Variants in HIGD1C observed in about 807,000 individuals in gnomAD.
HIGD1C encodes the protein HIG1 hypoxia inducible domain family member 1C.
HIGD1C carries 11 observed loss-of-function variants against 13.1 expected under a neutral mutation model. The ratio of observed to expected loss-of-function variants is 0.84; its 90% CI spans 0.53 to 1.39. The LOEUF is 1.39. Among genes scored for constraint, HIGD1C ranks in the 40% most tolerant of loss-of-function variants. The pLI is 0.00. For synonymous variants in HIGD1C, 36 were observed against 37.7 expected (o/e 0.95, Z 0.17); for missense variants, 110 against 112.0 (o/e 0.98, Z 0.08).
At chr12:50,940,591 G>C in the HIGD1C span, among the ~76,000 whole-genome samples, 1 of 151,846 alleles carries the variant, frequency 6.6e-6, no homozygotes, top group East Asian at 2.0e-4. Context: ...GGGTCTAGTG[G>C]CACATGTCCA....
At chr12:50,961,989 T>G (rs980085758) in intron 2 of HIGD1C, among the ~76,000 whole-genome samples, 4 of 152,182 alleles carry the variant, frequency 2.6e-5, no homozygotes, top group Non-Finnish European at 5.9e-5. Flanking sequence ...AGACACTGTT[T>G]AGAAATATGA....
the HIGD1C span, among the ~76,000 whole-genome samples, chr12:50,941,537 G>A: frequency 1.3e-5 from 2 of 152,088 alleles, no homozygotes; most frequent in Non-Finnish European, 2.9e-5. Context: ...ATGGTGGGAG[G>A]GGCGGTATGG....
At chr12:50,957,937 G>GGGGTGTGTGTGT (rs1464920302) in intron 1 of HIGD1C, among the ~76,000 whole-genome samples, 2 of 132,504 alleles carry the variant, frequency 1.5e-5, no homozygotes, top group African/African-American at 2.7e-5. Flanking sequence ...ATGAATTGGA[G>GGGGTGTGTGTGT]GTGTGTGTGT....
upstream of HIGD1C, among the ~76,000 whole-genome samples, chr12:50,948,946 A>G (rs1255352435): frequency 1.4e-5 from 1 of 69,624 alleles, no homozygotes; most frequent in Non-Finnish European, 2.5e-5. Flanking sequence ...GAGGAGGAGG[A>G]GGAGGAGACA....
chr12:50,966,859 C>T (rs993438082), intron 2 of HIGD1C, among the ~76,000 whole-genome samples: 25 of 152,184 alleles, frequency 1.6e-4, no homozygotes, highest in African/African-American at 5.5e-4. Context: ...TTGTGATGAG[C>T]CACTCACAGG....
rs564367878 is a variant in HIGD1C at position 50,962,646 on chromosome 12, G to A, written c.229+1544G>A. On this transcript the variant is annotated intron_variant, in intron 2 of 2. Transcript: ENST00000398455. The stretch of plus-strand genomic sequence containing the variant: ...TGGGAGGCAGAGGTTGCAGTGAGTC[G>A]AAATCATGCCACTGCACTTTAGCCT... Among the ~76,000 whole-genome samples, 17 of 152,200 alleles carry A rather than the reference G, an allele frequency of 1.1e-4. No individual in the cohort carries two copies. In the South Asian group the frequency reaches 3.1e-3, roughly 28 times the overall value.
chr12:50,956,461 T>C (rs1592251880), intron 1 of HIGD1C, among the ~76,000 whole-genome samples: 3 of 152,362 alleles, frequency 2.0e-5, no homozygotes, highest in Admixed American at 6.5e-5. Flanking sequence ...ATATCTACTA[T>C]GTATTTTCCT....
chr12:50,962,339 A>C (rs1046864943), intron 2 of HIGD1C, among the ~76,000 whole-genome samples: 17 of 151,990 alleles, frequency 1.1e-4, no homozygotes, highest in African/African-American at 3.9e-4. Context: ...TGAATCTGGG[A>C]GGTGGAGGTT....
At chr12:50,931,818 A>G in the HIGD1C span, 1 of 151,150 alleles carries the variant, frequency 6.6e-6, no homozygotes, top group South Asian at 2.1e-4. Flanking sequence ...TCCCACCTTG[A>G]CCTCCTAAAT....
At chr12:50,961,807 C>T (rs771908385) in intron 2 of HIGD1C, among the ~76,000 whole-genome samples, 2 of 152,094 alleles carry the variant, frequency 1.3e-5, no homozygotes, top group Non-Finnish European at 2.9e-5. Context: ...AGTCATCCTG[C>T]GTAGGATGGA....
chr12:50,932,797 G>A, the HIGD1C span, among the ~76,000 whole-genome samples: 1 of 152,186 alleles, frequency 6.6e-6, no homozygotes, highest in Non-Finnish European at 1.5e-5. Flanking sequence ...AAGAAAGGAA[G>A]CTTTTACTAT....
the HIGD1C span, chr12:50,935,024 A>G: frequency 2.0e-5 from 3 of 152,242 alleles, no homozygotes; most frequent in Non-Finnish European, 2.9e-5. Flanking sequence ...ACTTGAATAG[A>G]AAGTAAAGCA....
chr12:50,961,192 G>T, intron 2 of HIGD1C, 90 bp downstream of exon 4: 1 of 1,337,738 alleles, frequency 7.5e-7, no homozygotes, highest in Non-Finnish European at 1.0e-6. Flanking sequence ...TGAATGTTGG[G>T]TCACAATGAT....
the HIGD1C span, among the ~76,000 whole-genome samples, chr12:50,940,563 T>G: frequency 6.6e-6 from 1 of 151,664 alleles, no homozygotes; most frequent in Non-Finnish European, 1.5e-5. Flanking sequence ...TACAAAAAAT[T>G]GTTTTCAAAA....
intron 2 of HIGD1C, 78 bp downstream of exon 4, chr12:50,961,180 G>A (rs1939315033): frequency 7.2e-7 from 1 of 1,394,444 alleles, no homozygotes; most frequent in Non-Finnish European, 9.9e-7. Flanking sequence ...CATAGTAGAA[G>A]ATGAATGTTG....
chr12:50,945,360 T>C, the HIGD1C span, among the ~76,000 whole-genome samples: 1 of 152,170 alleles, frequency 6.6e-6, no homozygotes, highest in Non-Finnish European at 1.5e-5. Flanking sequence ...AAAATCTCCT[T>C]AAGCTGATAA....
At chr12:50,971,130 T>C (rs915184986), downstream of HIGD1C, among the ~76,000 whole-genome samples, 4 of 152,202 alleles carry the variant, frequency 2.6e-5, no homozygotes, top group Non-Finnish European at 4.4e-5. Flanking sequence ...TTCACCCACA[T>C]TGGCTTCCCA....
chr12:50,958,671 G>A (rs138329178), intron 1 of HIGD1C, among the ~76,000 whole-genome samples: 86 of 152,192 alleles, frequency 5.7e-4, no homozygotes, highest in African/African-American at 1.9e-3. Flanking sequence ...AATCAACATG[G>A]TGTGGTACTG....
intron 2 of HIGD1C, among the ~76,000 whole-genome samples, chr12:50,969,908 C>T (rs1158175938): frequency 6.6e-6 from 1 of 152,014 alleles, no homozygotes; most frequent in East Asian, 1.9e-4. Flanking sequence ...ATCCTTGGAA[C>T]TCATTAAAGC....
Sources: gnomAD v4.1 joint callset for allele counts (sites outside exome capture counted in the v4.1 genomes callset) on GRCh38, gnomAD v4.1.1 for gene constraint, MANE v1.5 for transcripts, NCBI Gene and HGNC (gene_info 2026-07-23, HGNC 2026-07-21) for gene names.